Variants in GRID2 observed in about 807,000 individuals in gnomAD.
GRID2 encodes the protein glutamate receptor ionotropic, delta-2.
GRID2 carries 33 observed loss-of-function variants against 114.8 expected under a neutral mutation model. The observed-to-expected ratio is 0.29, with a 90% CI of 0.22 to 0.38. The LOEUF is 0.38. GRID2 is among the 10% of genes least tolerant of loss of function. The pLI is 1.00. For synonymous variants in GRID2, 505 were observed against 449.9 expected, an observed-to-expected ratio of 1.12 and a Z score of -1.55; for missense variants, 1,184 against 1,257.7, an observed-to-expected ratio of 0.94 and a Z score of 0.89.
At chr4:93,755,339 G>C (rs72875956) in intron 14 of GRID2, among the ~76,000 whole-genome samples, 6 of 152,058 alleles carry the variant, frequency 3.9e-5, no homozygotes, top group African/African-American at 1.5e-4. Context: ...TCTCCCATGC[G>C]TGGGAAAACT....
intron 2 of GRID2, among the ~76,000 whole-genome samples, chr4:92,924,069 A>G (rs1472112511): frequency 1.3e-5 from 2 of 152,342 alleles, no homozygotes; most frequent in East Asian, 3.9e-4. Context: ...CTATGCAGCC[A>G]TAAAAAAGGA....
intron 9 of GRID2, among the ~76,000 whole-genome samples, chr4:93,396,888 G>A (rs1015423982): frequency 6.6e-6 from 1 of 151,956 alleles, no homozygotes; most frequent in Non-Finnish European, 1.5e-5. Flanking sequence ...TCATGTGCTA[G>A]TTTATAGCCT....
chr4:93,405,756 T>C (rs1766349787), intron 9 of GRID2, among the ~76,000 whole-genome samples: 1 of 152,174 alleles, frequency 6.6e-6, no homozygotes, highest in Admixed American at 6.6e-5. Context: ...AATGTTAAGG[T>C]GTCCTTGAAG....
intron 2 of GRID2, among the ~76,000 whole-genome samples, chr4:92,843,542 T>C (rs1468029366): frequency 6.6e-6 from 1 of 152,130 alleles, no homozygotes; most frequent in Non-Finnish European, 1.5e-5. Flanking sequence ...AACATAACAT[T>C]TTCATGAGGA....
intron 9 of GRID2, among the ~76,000 whole-genome samples, chr4:93,402,027 T>C (rs1765945321): frequency 6.6e-6 from 1 of 152,078 alleles, no homozygotes; most frequent in African/African-American, 2.4e-5. Context: ...TAGTTATTTA[T>C]ATACATCAGC....
chr4:92,774,564 G>C (rs556475964), intron 2 of GRID2, among the ~76,000 whole-genome samples: 97 of 141,898 alleles, frequency 6.8e-4, no homozygotes, highest in Admixed American at 2.2e-3. Flanking sequence ...ATTTCTTCCA[G>C]AATTTTTCTT....
intron 7 of GRID2, among the ~76,000 whole-genome samples, chr4:93,225,971 A>G (rs917359868): frequency 6.6e-6 from 1 of 152,156 alleles, no homozygotes; most frequent in African/African-American, 2.4e-5. Context: ...GACTTCCTGG[A>G]TAACTAATCC....
chr4:93,243,207 A>T (rs1021048986), intron 8 of GRID2, among the ~76,000 whole-genome samples: 3 of 151,966 alleles, frequency 2.0e-5, no homozygotes, highest in Non-Finnish European at 2.9e-5. Flanking sequence ...TTAATTACTA[A>T]TTTTTTTAAA....
chr4:93,250,003 C>T (rs6532390), intron 8 of GRID2, among the ~76,000 whole-genome samples: 106,301 of 151,916 alleles, frequency 0.7, 37,784 homozygotes, highest in Middle Eastern at 0.86. Context: ...GGGTATATAC[C>T]CAAAGGATTG....
Position 93,774,204 on chromosome 4 carries a change from G to A in GRID2, c.*1706G>A, listed in dbSNP as rs185259208. ...ACTAAATCTTCAAATATTGTCTACTGTGTAAGGCAGAAAAATTTCTTATCA... is the reference window on the plus strand; with the variant it reads ...ACTAAATCTTCAAATATTGTCTACTATGTAAGGCAGAAAAATTTCTTATCA... On this transcript the variant is annotated 3_prime_UTR_variant, in exon 16 of 16. Transcript: ENST00000282020. 4.6e-5 allele frequency: 7 copies of A among 152,194 alleles called. No homozygotes were observed. In the East Asian group the frequency reaches 5.8e-4, roughly 13 times the overall value. The allele number at this position is 152,194 out of a possible 1,614,324, so 9.4% of individuals were successfully genotyped here.
chr4:93,536,044 A>G (rs528084447), intron 13 of GRID2, among the ~76,000 whole-genome samples: 21 of 152,142 alleles, frequency 1.4e-4, no homozygotes, highest in African/African-American at 4.8e-4. Context: ...AACATTGATG[A>G]TAAAATGAAG....
chr4:92,912,659 A>C (rs760967613), intron 2 of GRID2, among the ~76,000 whole-genome samples: 1 of 151,870 alleles, frequency 6.6e-6, no homozygotes, highest in Non-Finnish European at 1.5e-5. Flanking sequence ...ATTTTTAAAA[A>C]TTGATACATT....
At chr4:92,709,572 GA>G (rs767320278) in intron 2 of GRID2, among the ~76,000 whole-genome samples, 1,189 of 101,024 alleles carry the variant, frequency 0.012, 18 homozygotes, top group African/African-American at 0.025. Flanking sequence ...ATAGTGTAGA[GA>G]AAAAAAAAAA....
rs181774854 is a variant in GRID2, at chr4:93,707,765, T to G, written c.2361-61445T>G. Among the ~76,000 whole-genome samples, 1,054 of 152,070 alleles carry G rather than the reference T, an allele frequency of 6.9e-3. 5 individuals are homozygous for G. Among genetic ancestry groups the G allele is most frequent in the Non-Finnish European group, 0.012 (783 of 67,888 alleles). Reference sequence around the variant, plus strand: ...GGTTTGTTCTTTCTTTTCTAGTTCTTTAAGGTATATCATTAGGTTATTTAT... The same window carrying G: ...GGTTTGTTCTTTCTTTTCTAGTTCTGTAAGGTATATCATTAGGTTATTTAT... On this transcript the variant is annotated intron_variant, in intron 14 of 15. Coordinates refer to ENST00000282020, the MANE Select transcript of GRID2 (RefSeq NM_001510.4).
chr4:92,454,525 G>T (rs1344415716), intron 1 of GRID2, among the ~76,000 whole-genome samples: 2 of 152,166 alleles, frequency 1.3e-5, no homozygotes, highest in African/African-American at 4.8e-5. Context: ...CACAGTGGTT[G>T]CTATATGGCA....
rs568977216 is a variant in GRID2, at chr4:92,768,956, A to T, written c.244+178670A>T. On this transcript the variant is annotated intron_variant, in intron 2 of 15. Transcript: ENST00000282020. ...CTGCTCCCAAATCTCATGTCCTCAC[A>T]TTTCAAAACCAATTATGCCTTCTGA... 2.0e-5 allele frequency among the ~76,000 whole-genome samples: 3 copies of T among 152,286 alleles called. No homozygotes were observed. The East Asian group carries it at 5.8e-4, about 29-fold the overall frequency.
chr4:92,914,939 A>G (rs763897508), intron 2 of GRID2, among the ~76,000 whole-genome samples: 2 of 152,262 alleles, frequency 1.3e-5, no homozygotes, highest in East Asian at 1.9e-4. Context: ...GTATTAGTCT[A>G]TCTTCATGTT....
rs1728202506 is a variant in GRID2 at position 93,708,539 on chromosome 4, T to C, written c.2361-60671T>C. Among the ~76,000 whole-genome samples the C allele has an allele frequency of 2.6e-5, 4 of 152,072 alleles. No homozygotes were observed. The South Asian group carries it at 8.3e-4, about 31-fold the overall frequency. On this transcript the variant is annotated intron_variant, in intron 14 of 15. Coordinates refer to ENST00000282020, the MANE Select transcript of GRID2 (RefSeq NM_001510.4). ...TGGAGTATATTTTTCGATCTTTTTATTTGCAGTCTATGTATCTCTATAGGC... is the reference window on the plus strand; with the variant it reads ...TGGAGTATATTTTTCGATCTTTTTACTTGCAGTCTATGTATCTCTATAGGC...
At chr4:93,255,910 C>G (rs1429062148) in intron 8 of GRID2, among the ~76,000 whole-genome samples, 1 of 152,014 alleles carries the variant, frequency 6.6e-6, no homozygotes, top group African/African-American at 2.4e-5. Context: ...CAGACAATCT[C>G]TATATAATTA....
Sources: gnomAD v4.1 joint callset for allele counts (sites outside exome capture counted in the v4.1 genomes callset) on GRCh38, gnomAD v4.1.1 for gene constraint, MANE v1.5 for transcripts, NCBI Gene and HGNC (gene_info 2026-07-23, HGNC 2026-07-21) for gene names.